TTK: variants seen among roughly 807,000 people sequenced by gnomAD.
The protein encoded by TTK is dual specificity protein kinase TTK.
In TTK, 59 loss-of-function variants were observed where a neutral mutation model predicts 117.3. The observed-to-expected ratio is 0.50, with a 90% CI of 0.41 to 0.62. The LOEUF (loss-of-function observed/expected upper bound fraction) is 0.62. TTK is among the 20% of genes least tolerant of loss of function. TTK has a pLI of 0.00. For synonymous variants in TTK, 302 were observed against 325.0 expected (o/e 0.93, Z 0.76); for missense variants, 921 against 989.4 (o/e 0.93, Z 0.93).
chr6:80,022,358 G>T lies in TTK; in HGVS notation c.1143G>T (p.Glu381Asp). Reference protein sequence around the residue: ...TKEYQEPEVPESNQKQWQSKR... With the variant: ...TKEYQEPEVPDSNQKQWQSKR... ...AGTATCAAGAACCAGAGGTTCCAGA[G>T]AGTAACCAGAAACAGTGGCAATCTA... Residue 381 changes from glutamate (E) to aspartate (D), a missense_variant, in exon 11 of 22, where the codon GAG (glutamate) becomes GAT (aspartate). Physicochemically the swap from Glu to Asp is conservative, Grantham distance 45. Coordinates refer to ENST00000369798, the MANE Select transcript of TTK (RefSeq NM_003318.5). 6.2e-7 allele frequency: 1 copy of T among 1,613,788 alleles called. No individual in the cohort carries two copies. The highest frequency in any genetic ancestry group is 8.5e-7 in the Non-Finnish European group (1 of 1,179,934).
At chr6:80,032,108 G>A (rs1767774223) in intron 14 of TTK, among the ~76,000 whole-genome samples, 1 of 152,098 alleles carries the variant, frequency 6.6e-6, no homozygotes, top group African/African-American at 2.4e-5. Context: ...ATCATTAATT[G>A]TCATTCAATT....
chr6:80,033,179 T>C (rs1767804050), intron 14 of TTK, among the ~76,000 whole-genome samples: 3 of 152,334 alleles, frequency 2.0e-5, no homozygotes, highest in African/African-American at 4.8e-5. Context: ...AGCTCTGCTC[T>C]ATGAGTTTAA....
At chr6:80,022,222 A>G in intron 10 of TTK, 102 bp from the exon 11 acceptor site, 1 of 1,219,806 alleles carries the variant, frequency 8.2e-7, no homozygotes, top group Non-Finnish European at 1.1e-6. Flanking sequence ...ATTGTTTTTA[A>G]GAACTAAATA....
intron 17 of TTK, among the ~76,000 whole-genome samples, chr6:80,036,992 G>C (rs933401943): frequency 1.3e-5 from 2 of 151,980 alleles, no homozygotes; most frequent in Non-Finnish European, 2.9e-5. Context: ...TAGAGAAGCC[G>C]ACCTTTTCCT....
At chr6:80,008,089 C>T in intron 3 of TTK, 58 bp downstream of exon 3, 3 of 1,515,848 alleles carry the variant, frequency 2.0e-6, no homozygotes, top group Non-Finnish European at 2.7e-6. Flanking sequence ...AACTACACTG[C>T]AAAGAGAGAA....
At chr6:80,027,582 C>T (rs1245026200) in intron 12 of TTK, among the ~76,000 whole-genome samples, 1 of 152,108 alleles carries the variant, frequency 6.6e-6, no homozygotes, top group African/African-American at 2.4e-5. Flanking sequence ...TATGGCCGGC[C>T]ACAAGCTGAT....
At chr6:80,026,613 A>G in intron 12 of TTK, 99 bp downstream of exon 12, 1 of 1,479,008 alleles carries the variant, frequency 6.8e-7, no homozygotes, top group Non-Finnish European at 9.2e-7. Context: ...CTGCTCTTTT[A>G]CTTTAAAGAC....
intron 14 of TTK, among the ~76,000 whole-genome samples, chr6:80,033,757 C>T (rs1310396559): frequency 7.3e-6 from 1 of 137,540 alleles, no homozygotes; most frequent in Non-Finnish European, 1.6e-5. Flanking sequence ...AAGGTATGTG[C>T]ATTACCATGT....
At position 80,038,058 on chromosome 6, in the gene TTK, G is replaced by T. The variant is rs1767953394; in HGVS notation, c.2130+11G>T. On this transcript the variant is annotated intron_variant, in intron 18 of 21. Transcript: ENST00000369798. ...AAATCTAAGTCAAAGGTACTGAAAA[G>T]ATTATTTACATCACAATTATCTGGC... The T allele has an allele frequency of 6.4e-7, 1 of 1,573,718 alleles. No homozygotes were observed.
chr6:80,014,477 T>C lies in TTK; in HGVS notation c.999T>C (p.Ser333=). The C allele has an allele frequency of 6.2e-7, 1 of 1,606,976 alleles. No individual in the cohort carries two copies. Among genetic ancestry groups the C allele is most frequent in the South Asian group, 1.1e-5 (1 of 89,402 alleles). Reference sequence around the variant, plus strand: ...TTTTCATGTAGTCTGTTCAAAATAGTCATTTCAAGGAACCTCTGGTGTCAG... The same window carrying C: ...TTTTCATGTAGTCTGTTCAAAATAGCCATTTCAAGGAACCTCTGGTGTCAG... ...ELRNLKSVQN[S]HFKEPLVSDE... The change falls in exon 10 of 22, where the codon AGT becomes AGC. Residue 333 remains serine, a synonymous_variant. Transcript: ENST00000369798.
At chr6:80,021,623 G>A (rs562952175) in intron 10 of TTK, among the ~76,000 whole-genome samples, 1 of 152,320 alleles carries the variant, frequency 6.6e-6, no homozygotes, top group African/African-American at 2.4e-5. Flanking sequence ...AAAGGAAAAG[G>A]TGTGGAAGAG....
intron 17 of TTK, among the ~76,000 whole-genome samples, chr6:80,037,281 G>T (rs1344800093): frequency 6.6e-6 from 1 of 152,072 alleles, no homozygotes; most frequent in East Asian, 1.9e-4. Flanking sequence ...TGCCCTATTT[G>T]ACAGTCATGT....
chr6:80,039,591 T>G, intron 18 of TTK, 105 bp from the exon 19 acceptor site: 1 of 848,634 alleles, frequency 1.2e-6, no homozygotes, highest in Non-Finnish European at 1.6e-6. Flanking sequence ...TACACATTCA[T>G]TGAGATTTAA....
chr6:80,036,455 A>G lies in TTK; in HGVS notation c.1925-20A>G. 1 of 1,589,872 alleles carries G rather than the reference A, an allele frequency of 6.3e-7. No individual in the cohort carries two copies. The highest frequency in any genetic ancestry group is 8.6e-7 in the Non-Finnish European group (1 of 1,168,984). On this transcript the variant is annotated intron_variant, in intron 16 of 21. Coordinates refer to ENST00000369798, the MANE Select transcript of TTK (RefSeq NM_003318.5). ...AATGTTTTGCATTGTTTAATATTAC[A>G]GTGGATTTTTATTTTAAAGGCATTG...
intron 4 of TTK, among the ~76,000 whole-genome samples, chr6:80,008,706 A>C (rs569158109): frequency 1.3e-5 from 2 of 152,290 alleles, no homozygotes; most frequent in South Asian, 4.1e-4. Context: ...ATCCAGGGAA[A>C]TGAGCATGAA....
chr6:80,038,035 A>AT lies in TTK; in HGVS notation c.2119dup (p.Ser707PhefsTer2). The AT allele has an allele frequency of 6.2e-7, 1 of 1,607,706 alleles. No individual in the cohort carries two copies. The highest frequency in any genetic ancestry group is 2.2e-5 in the East Asian group (1 of 44,704). On this transcript the variant is annotated frameshift_variant, in exon 18 of 22. Coordinates refer to ENST00000369798, the MANE Select transcript of TTK (RefSeq NM_003318.5). LOFTEE classifies it high-confidence loss of function. ...TGTCTTCCTCCAGAGAGAATGGGAA[A>AT]TCTAAGTCAAAGGTACTGAAAAGAT...
chr6:80,040,922 C>T (rs1768033388), intron 21 of TTK, among the ~76,000 whole-genome samples: 1 of 151,780 alleles, frequency 6.6e-6, no homozygotes, highest in African/African-American at 2.4e-5. Context: ...TAGATCATCA[C>T]ATAAGGTGCA....
chr6:80,036,617 T>C lies in TTK; in HGVS notation c.2049+18T>C. ...ATTCTCAGGTAAGACTTAATGTTGG[T>C]TCTCTCACAGTAGAGTTCAATTCTT... On this transcript the variant is annotated intron_variant, in intron 17 of 21. Coordinates refer to ENST00000369798, the MANE Select transcript of TTK (RefSeq NM_003318.5). 6.2e-7 allele frequency: 1 copy of C among 1,600,228 alleles called. No individual in the cohort carries two copies. The highest frequency in any genetic ancestry group is 8.5e-7 in the Non-Finnish European group (1 of 1,174,172).
At chr6:80,011,100 TAAA>T (rs1012698266) in intron 5 of TTK, 143 bp downstream of exon 5, 3 of 1,113,448 alleles carry the variant, frequency 2.7e-6, no homozygotes, top group Admixed American at 3.4e-5. Flanking sequence ...GACTGAGAAG[TAAA>T]AAAGTCTCTA....
Sources: allele counts gnomAD v4.1 joint callset (sites outside exome capture counted in the v4.1 genomes callset), GRCh38; gene constraint gnomAD v4.1.1; transcripts MANE v1.5; gene names NCBI Gene and HGNC (gene_info 2026-07-23, HGNC 2026-07-21).